ZNF407: variants seen among roughly 807,000 people sequenced by gnomAD.
ZNF407 encodes the protein zinc finger protein 407.
Under a neutral mutation model 131.2 loss-of-function variants are expected in ZNF407, and 17 were observed. The ratio of observed to expected loss-of-function variants is 0.13; its 90% CI spans 0.09 to 0.19. ZNF407 has a LOEUF of 0.19. Among genes scored for constraint, ZNF407 ranks in the 10% least tolerant of loss-of-function variants. The probability of loss-of-function intolerance (pLI) is 1.00; values close to 1 mark genes in which losing one functional copy is unlikely to be tolerated. For synonymous variants in ZNF407, 1,156 were observed against 1,062.0 expected (o/e 1.09, Z -1.72); for missense variants, 2,681 against 2,830.6 (o/e 0.95, Z 1.20).
At chr18:74,905,405 T>C (rs1179293451) in intron 7 of ZNF407, 2 of 152,254 alleles carry the variant, frequency 1.3e-5, no homozygotes, top group Non-Finnish European at 2.9e-5. Context: ...CAGCGCCTGC[T>C]GTTCAGGAGC....
At chr18:75,002,456 C>T (rs1056223453) in intron 8 of ZNF407, among the ~76,000 whole-genome samples, 3 of 152,076 alleles carry the variant, frequency 2.0e-5, no homozygotes, top group Non-Finnish European at 4.4e-5. Flanking sequence ...CTAAGAGCAG[C>T]AGGACCCGGG....
intron 3 of ZNF407, among the ~76,000 whole-genome samples, chr18:74,642,243 A>G (rs149511584): frequency 1.2e-4 from 18 of 152,116 alleles, no homozygotes; most frequent in African/African-American, 4.3e-4. Flanking sequence ...GTAGATGAAG[A>G]TGACCCTTTG....
intron 1 of ZNF407, among the ~76,000 whole-genome samples, chr18:74,627,494 C>T (rs1176918943): frequency 6.6e-6 from 1 of 152,182 alleles, no homozygotes; most frequent in African/African-American, 2.4e-5. Context: ...GTCCCCCTCC[C>T]CTGCTCTTCT....
At chr18:74,689,458 T>C (rs1446447316) in intron 3 of ZNF407, among the ~76,000 whole-genome samples, 1 of 152,210 alleles carries the variant, frequency 6.6e-6, no homozygotes, top group Non-Finnish European at 1.5e-5. Context: ...GTGGTTGCAG[T>C]CAATGAAAGT....
chr18:74,927,033 T>C (rs186932395), intron 8 of ZNF407, among the ~76,000 whole-genome samples: 276 of 152,338 alleles, frequency 1.8e-3, no homozygotes, highest in African/African-American at 6.3e-3. Flanking sequence ...TTTCATTAGC[T>C]AGTAAGTAGT....
chr18:74,869,196 G>A (rs1186342169), intron 4 of ZNF407, among the ~76,000 whole-genome samples: 2 of 152,138 alleles, frequency 1.3e-5, no homozygotes, highest in Admixed American at 6.5e-5. Flanking sequence ...TCTTTAAATA[G>A]TAATATTAGT....
intron 8 of ZNF407, among the ~76,000 whole-genome samples, chr18:74,960,147 T>C (rs1026803013): frequency 1.3e-5 from 2 of 152,234 alleles, no homozygotes; most frequent in African/African-American, 4.8e-5. Flanking sequence ...TTTGGCACTT[T>C]TAGGATTATT....
At chr18:74,880,905 A>G in intron 5 of ZNF407, 131 bp from the exon 6 acceptor site, 5 of 792,098 alleles carry the variant, frequency 6.3e-6, no homozygotes. Context: ...CGCAGTGGTA[A>G]TTTCATTCCC....
chr18:75,024,240 A>C (rs1011678609), intron 8 of ZNF407, among the ~76,000 whole-genome samples: 1 of 152,158 alleles, frequency 6.6e-6, no homozygotes, highest in South Asian at 2.1e-4. Flanking sequence ...TGTATTTGAA[A>C]TTCTGTTCAT....
intron 4 of ZNF407, among the ~76,000 whole-genome samples, chr18:74,870,119 T>A (rs932163036): frequency 2.0e-4 from 31 of 152,348 alleles, no homozygotes; most frequent in African/African-American, 7.2e-4. Flanking sequence ...TGAGGCAGCC[T>A]GGGGTTAATA....
At chr18:74,829,984 T>C (rs1970460646) in intron 4 of ZNF407, among the ~76,000 whole-genome samples, 1 of 152,168 alleles carries the variant, frequency 6.6e-6, no homozygotes, top group Non-Finnish European at 1.5e-5. Context: ...TATGAGTTTA[T>C]AAGGGAGGGA....
intron 7 of ZNF407, among the ~76,000 whole-genome samples, chr18:74,915,404 AGTGTGT>A (rs61019062): frequency 1.9e-4 from 20 of 105,854 alleles, no homozygotes; most frequent in Admixed American, 8.5e-4. Flanking sequence ...TCGAATCAGG[AGTGTGT>A]GTGTGTGTGT....
At chr18:74,950,748 C>G (rs945491829) in intron 8 of ZNF407, among the ~76,000 whole-genome samples, 1 of 152,194 alleles carries the variant, frequency 6.6e-6, no homozygotes, top group Non-Finnish European at 1.5e-5. Flanking sequence ...TCTCTCTAAA[C>G]CCAGGGAGGT....
intron 7 of ZNF407, among the ~76,000 whole-genome samples, chr18:74,893,976 A>G (rs1450276161): frequency 6.6e-6 from 1 of 152,130 alleles, no homozygotes; most frequent in Non-Finnish European, 1.5e-5. Context: ...TTGAAAATGT[A>G]TTTCTCATTT....
At chr18:74,949,793 T>C (rs35675777) in intron 8 of ZNF407, among the ~76,000 whole-genome samples, 30,295 of 151,926 alleles carry the variant, frequency 0.2, 3,667 homozygotes, top group African/African-American at 0.32. Context: ...GGTGCCACAG[T>C]CTCCAGACCT....
At chr18:74,662,815 A>T (rs140855856) in intron 3 of ZNF407, among the ~76,000 whole-genome samples, 2 of 152,324 alleles carry the variant, frequency 1.3e-5, no homozygotes, top group African/African-American at 4.8e-5. Context: ...AAAGTATTCA[A>T]TTGTCACTCT....
chr18:74,776,922 A>G (rs1568210800), intron 3 of ZNF407, among the ~76,000 whole-genome samples: 2 of 152,208 alleles, frequency 1.3e-5, no homozygotes, highest in Non-Finnish European at 2.9e-5. Context: ...AAAGGACTTC[A>G]TCCTTTTGAT....
At chr18:75,012,311 GTGTA>G (rs1972985529) in intron 8 of ZNF407, among the ~76,000 whole-genome samples, 2 of 101,002 alleles carry the variant, frequency 2.0e-5, no homozygotes, top group African/African-American at 7.1e-5. Flanking sequence ...TGTACACATA[GTGTA>G]TGTACACATA....
chr18:74,679,258 T>G (rs1282861530), intron 3 of ZNF407, among the ~76,000 whole-genome samples: 1 of 152,242 alleles, frequency 6.6e-6, no homozygotes, highest in Non-Finnish European at 1.5e-5. Context: ...TTCAGTGGCA[T>G]AGTCCTACTG....
Sources: allele counts gnomAD v4.1 joint callset (sites outside exome capture counted in the v4.1 genomes callset), GRCh38; gene constraint gnomAD v4.1.1; transcripts MANE v1.5; gene names NCBI Gene and HGNC (gene_info 2026-07-23, HGNC 2026-07-21).